Variants in ZNF366 observed in about 807,000 individuals in gnomAD.
ZNF366 encodes zinc finger protein 366, also known as dendritic cell-specific transcript protein.
A neutral mutation model predicts 47.2 loss-of-function variants in ZNF366; 20 were observed. The observed-to-expected ratio is 0.42, with a 90% CI of 0.30 to 0.62. The LOEUF (loss-of-function observed/expected upper bound fraction) is 0.62, where lower values mean the gene tolerates loss of function less well. Among genes scored for constraint, ZNF366 ranks in the 20% least tolerant of loss-of-function variants. The pLI is 0.16. For missense variants in ZNF366, 987 were observed against 976.3 expected (o/e 1.01, Z -0.15); for synonymous variants, 421 against 395.1 (o/e 1.07, Z -0.78).
intron 1 of ZNF366, among the ~76,000 whole-genome samples, chr5:72,497,220 A>G (rs1340187601): frequency 6.6e-6 from 1 of 152,168 alleles, no homozygotes; most frequent in Non-Finnish European, 1.5e-5. Context: ...GCCTAAGCCA[A>G]AGTTACAAAG....
At chr5:72,474,906 CTCTT>C (rs933626161) in intron 1 of ZNF366, among the ~76,000 whole-genome samples, 10 of 152,142 alleles carry the variant, frequency 6.6e-5, no homozygotes, top group African/African-American at 2.4e-4. Context: ...ATTACAATGA[CTCTT>C]TATTTGGCAT....
intron 1 of ZNF366, among the ~76,000 whole-genome samples, chr5:72,495,686 C>A (rs565734956): frequency 1.3e-5 from 2 of 152,180 alleles, no homozygotes; most frequent in South Asian, 4.1e-4. Flanking sequence ...GAGAGATGCT[C>A]ATCCTTAAAG....
At chr5:72,456,865 C>T (rs896348247) in intron 2 of ZNF366, among the ~76,000 whole-genome samples, 1 of 152,084 alleles carries the variant, frequency 6.6e-6, no homozygotes, top group Non-Finnish European at 1.5e-5. Context: ...CCAGCTGCTG[C>T]TGGGGTTAAG....
intron 3 of ZNF366, among the ~76,000 whole-genome samples, chr5:72,452,987 G>C (rs899958980): frequency 2.6e-5 from 4 of 152,060 alleles, no homozygotes; most frequent in Admixed American, 2.0e-4. Flanking sequence ...CCAGCCAACA[G>C]CAAAAGAGCC....
At chr5:72,463,598 G>A (rs1275779419) in intron 1 of ZNF366, among the ~76,000 whole-genome samples, 13 of 152,084 alleles carry the variant, frequency 8.5e-5, no homozygotes. Context: ...CTGCCTCAGG[G>A]GCCAGGCAAT....
Position 72,460,457 on chromosome 5 carries a change from G to C in ZNF366, c.1040C>G (p.Ala347Gly). The C allele has an allele frequency of 6.2e-7, 1 of 1,614,020 alleles. No homozygotes were observed. Among genetic ancestry groups the C allele is most frequent in the Non-Finnish European group, 8.5e-7 (1 of 1,179,982 alleles). ...HNCRVCGRGF[A>G]YPSELKAHEA... ...GTGGGCCTTGAGCTCGCTGGGGTAGGCAAAGCCGCGGCCGCACACGCGGCA... is the reference window on the plus strand; with the variant it reads ...GTGGGCCTTGAGCTCGCTGGGGTAGCCAAAGCCGCGGCCGCACACGCGGCA... Residue 347 changes from alanine (A) to glycine (G), a missense_variant, in exon 2 of 5, where the codon GCC becomes GGC. This residue lies in a region of ZNF366 where 591 missense variants were observed against 560.9 expected (regional missense o/e 1.05). Coordinates refer to ENST00000318442, the MANE Select transcript of ZNF366 (RefSeq NM_152625.3).
chr5:72,456,269 G>A (rs1743183832), intron 3 of ZNF366, 135 bp downstream of exon 3: 2 of 870,728 alleles, frequency 2.3e-6, no homozygotes, highest in Admixed American at 2.3e-5. Flanking sequence ...TGGCAGATGG[G>A]ACCTGGGGTT....
chr5:72,483,166 C>T (rs113882164), intron 1 of ZNF366, among the ~76,000 whole-genome samples: 23 of 152,182 alleles, frequency 1.5e-4, no homozygotes, highest in African/African-American at 5.5e-4. Flanking sequence ...GGCAAAGGTA[C>T]CTGAAGGTGT....
intron 4 of ZNF366, 102 bp from the exon 5 acceptor site, chr5:72,444,393 G>T: frequency 2.3e-6 from 3 of 1,278,202 alleles, no homozygotes; most frequent in Non-Finnish European, 2.1e-6. Flanking sequence ...ATTCCGATGC[G>T]TATTTTAAAA....
chr5:72,447,355 G>A lies in ZNF366; in HGVS notation c.1587C>T (p.Asp529=), dbSNP rs79076596. 1.1e-3 allele frequency: 1,707 copies of A among 1,614,194 alleles called. 16 individuals are homozygous for A. The African/African-American group carries it at 0.02, about 19-fold the overall frequency. ...NLMGHMHLHS[D]SKPFKCLYCP... is the part of the protein sequence containing the mutation. ...AATAGAGGCACTTGAAGGGTTTGCT[G>A]TCTGAGTGCAGGTGCATGTGGCCCA... Residue 529 remains aspartate, a synonymous_variant, in exon 4 of 5, where the codon GAC becomes GAT. Transcript: ENST00000318442.
rs567098290 is a variant in ZNF366, at chr5:72,458,295, C to G, written c.1333-1700G>C. ...CCTCCCAAAGTGCTGGGATTACAGG[C>G]GTGAGCCACCGCGCCCGGCCAGCAT... On this transcript the variant is annotated intron_variant, in intron 2 of 4. Transcript: ENST00000318442. Among the ~76,000 whole-genome samples the G allele has an allele frequency of 3.5e-4, 53 of 152,236 alleles. 1 individual carries two copies. Among genetic ancestry groups the G allele is most frequent in the African/African-American group, 1.2e-3 (48 of 41,542 alleles).
chr5:72,465,717 C>T (rs556623757), intron 1 of ZNF366, among the ~76,000 whole-genome samples: 65 of 152,236 alleles, frequency 4.3e-4, no homozygotes, highest in African/African-American at 1.4e-3. Context: ...AAGACAGTTC[C>T]CCACCAGAAA....
Position 72,461,322 on chromosome 5 carries a change from G to A in ZNF366, c.175C>T (p.Pro59Ser). 1 of 1,614,024 alleles carries A rather than the reference G, an allele frequency of 6.2e-7. No homozygotes were observed. Among genetic ancestry groups the A allele is most frequent in the South Asian group, 1.1e-5 (1 of 91,066 alleles). The change falls in exon 2 of 5, where the codon CCT (proline) becomes TCT (serine). Residue 59 changes from proline (P) to serine (S), a missense_variant. Transcript: ENST00000318442. ...AACCCATCTAGGTCTCCTGGGGGAG[G>A]TTCATACCGAAACTGGGAAAATGGC... ...RGPFSQFRYE[P>S]PPGDLDGFPG...
At chr5:72,447,962 C>T (rs150474086) in intron 3 of ZNF366, among the ~76,000 whole-genome samples, 94 of 152,242 alleles carry the variant, frequency 6.2e-4, no homozygotes, top group Non-Finnish European at 1.1e-3. Flanking sequence ...GAACTCAGGC[C>T]ATCAGATGCC....
intron 1 of ZNF366, among the ~76,000 whole-genome samples, chr5:72,485,056 T>C (rs1278958060): frequency 1.3e-5 from 2 of 152,210 alleles, no homozygotes; most frequent in African/African-American, 2.4e-5. Flanking sequence ...TCAGTTGACC[T>C]GGATAGAGGT....
chr5:72,473,261 T>C (rs1364127003), intron 1 of ZNF366, among the ~76,000 whole-genome samples: 1 of 152,208 alleles, frequency 6.6e-6, no homozygotes, highest in Non-Finnish European at 1.5e-5. Flanking sequence ...CTACCATGTA[T>C]GGTCAAGAGG....
At chr5:72,465,310 A>G (rs1369685395) in intron 1 of ZNF366, among the ~76,000 whole-genome samples, 1 of 152,112 alleles carries the variant, frequency 6.6e-6, no homozygotes, top group Non-Finnish European at 1.5e-5. Context: ...TGATAAGGAG[A>G]AGCCCGAGGT....
chr5:72,484,264 C>A (rs941777206), intron 1 of ZNF366, among the ~76,000 whole-genome samples: 1 of 151,840 alleles, frequency 6.6e-6, no homozygotes, highest in Admixed American at 6.6e-5. Flanking sequence ...GCGGGCGGAT[C>A]ACGAGGTCAG....
chr5:72,468,262 A>G (rs1743474163), intron 1 of ZNF366, among the ~76,000 whole-genome samples: 1 of 152,180 alleles, frequency 6.6e-6, no homozygotes, highest in Admixed American at 6.5e-5. Flanking sequence ...TCAGTGGTAG[A>G]ACCAAAAAGA....
Sources: gnomAD v4.1 joint callset for allele counts (sites outside exome capture counted in the v4.1 genomes callset) on GRCh38, gnomAD v4.1.1 for gene constraint, gnomAD v4.1.1 regional missense constraint, MANE v1.5 for transcripts, NCBI Gene and HGNC (gene_info 2026-07-23, HGNC 2026-07-21) for gene names.